The following ELAVL4 variants were observed in gnomAD, a reference collection of about 807,000 sequenced individuals.
ELAVL4 encodes ELAV-like protein 4.
A neutral mutation model predicts 35.6 loss-of-function variants in ELAVL4; 1 was observed. The ratio of observed to expected loss-of-function variants is 0.03; its 90% CI spans 0.01 to 0.13. The LOEUF (loss-of-function observed/expected upper bound fraction) is 0.13, where lower values mean the gene tolerates loss of function less well. ELAVL4 is among the 10% of genes least tolerant of loss of function. The pLI is 1.00. For synonymous variants in ELAVL4, 156 were observed against 171.0 expected (o/e 0.91, Z 0.69); for missense variants, 267 against 464.9 (o/e 0.57, Z 3.91).
At chr1:50,200,386 T>C (rs1410308735) in intron 6 of ELAVL4, among the ~76,000 whole-genome samples, 1 of 152,186 alleles carries the variant, frequency 6.6e-6, no homozygotes, top group Non-Finnish European at 1.5e-5. Flanking sequence ...TATTGAGCAT[T>C]TTCTATGTGT....
chr1:50,184,942 TTTGA>T (rs1357920011), intron 3 of ELAVL4, among the ~76,000 whole-genome samples: 1 of 152,264 alleles, frequency 6.6e-6, no homozygotes, highest in Non-Finnish European at 1.5e-5. Flanking sequence ...GCTATTTATA[TTTGA>T]ATTTAAATTA....
chr1:50,195,676 G>A lies in ELAVL4; in HGVS notation c.624G>A (p.Lys208=), dbSNP rs771047682. 2 of 1,614,190 alleles carry A rather than the reference G, an allele frequency of 1.2e-6. No homozygotes were observed. The highest frequency in any genetic ancestry group is 1.7e-6 in the Non-Finnish European group (2 of 1,180,018). The change falls in exon 5 of 7, where the codon AAG becomes AAA. Residue 208 remains lysine, a synonymous_variant. Transcript: ENST00000371824. ...GTGCTACGGAACCGATTACTGTGAA[G>A]TTTGCCAACAACCCCAGCCAGAAGT... The part of the protein sequence containing the change: ...PSGATEPITV[K]FANNPSQKSS...
At chr1:50,191,075 AT>A (rs1682594436) in intron 3 of ELAVL4, among the ~76,000 whole-genome samples, 1 of 152,192 alleles carries the variant, frequency 6.6e-6, no homozygotes, top group South Asian at 2.1e-4. Context: ...CACTGTGATA[AT>A]TGGTCTGTAT....
chr1:50,203,384 T>C lies in ELAVL4; in HGVS notation c.*2206T>C, dbSNP rs1644458870. 1 of 152,150 alleles carries C rather than the reference T, an allele frequency of 6.6e-6. No individual in the cohort carries two copies. Among genetic ancestry groups the C allele is most frequent in the Admixed American group, 6.5e-5 (1 of 15,278 alleles). 9.4% of individuals were successfully genotyped at this position (152,150 alleles called of 1,614,324 possible). On this transcript the variant is annotated 3_prime_UTR_variant, in exon 7 of 7. Coordinates refer to ENST00000371824, the MANE Select transcript of ELAVL4 (RefSeq NM_001144774.3). The stretch of plus-strand genomic sequence containing the variant: ...CTCCTTTAAATTTTTTTTCTGTTTT[T>C]TTTTCCTCTTTTCGGTTTTGGATAT...
At chr1:50,061,143 A>T (rs942953325) in intron 1 of ELAVL4, among the ~76,000 whole-genome samples, 2 of 152,228 alleles carry the variant, frequency 1.3e-5, no homozygotes, top group Admixed American at 1.3e-4. Flanking sequence ...TCTGCGCTTA[A>T]CTGTCAGTGA....
chr1:50,158,877 A>G (rs923296980), intron 2 of ELAVL4, among the ~76,000 whole-genome samples: 1 of 152,048 alleles, frequency 6.6e-6, no homozygotes, highest in East Asian at 1.9e-4. Flanking sequence ...CATCTCTACT[A>G]AAAATACAAA....
At chr1:50,190,935 C>T (rs1682574792) in intron 3 of ELAVL4, among the ~76,000 whole-genome samples, 1 of 152,230 alleles carries the variant, frequency 6.6e-6, no homozygotes, top group Non-Finnish European at 1.5e-5. Flanking sequence ...TCCACCACCA[C>T]CTTTCTCACC....
At chr1:50,128,340 G>A (rs1441830154) in intron 1 of ELAVL4, among the ~76,000 whole-genome samples, 1 of 152,144 alleles carries the variant, frequency 6.6e-6, no homozygotes, top group Admixed American at 6.6e-5. Flanking sequence ...TGATTCTGAA[G>A]AGGAGAGATA....
intron 1 of ELAVL4, among the ~76,000 whole-genome samples, chr1:50,076,188 T>A (rs1032940301): frequency 3.9e-5 from 6 of 152,176 alleles, no homozygotes; most frequent in African/African-American, 1.4e-4. Flanking sequence ...CAGCTGTATA[T>A]GTAGGCCATG....
At chr1:50,165,266 C>G (rs1250875699) in intron 2 of ELAVL4, among the ~76,000 whole-genome samples, 3 of 152,032 alleles carry the variant, frequency 2.0e-5, no homozygotes, top group African/African-American at 7.2e-5. Context: ...GATTCCTTCT[C>G]CCTGGAATGC....
chr1:50,097,529 GC>G (rs1178452783), intron 1 of ELAVL4, among the ~76,000 whole-genome samples: 5 of 152,170 alleles, frequency 3.3e-5, no homozygotes, highest in Non-Finnish European at 5.9e-5. Context: ...GAAGTGGTTT[GC>G]CTGAGGTCAT....
chr1:50,182,178 A>C (rs1177068052), intron 3 of ELAVL4, among the ~76,000 whole-genome samples: 1 of 152,262 alleles, frequency 6.6e-6, no homozygotes, highest in African/African-American at 2.4e-5. Flanking sequence ...GAACTGCTTC[A>C]GTGAAGTTGC....
chr1:50,127,478 A>C (rs1401862957), intron 1 of ELAVL4, among the ~76,000 whole-genome samples: 1 of 152,098 alleles, frequency 6.6e-6, no homozygotes, highest in Non-Finnish European at 1.5e-5. Flanking sequence ...TTCAGTGGAC[A>C]TATATGCAAA....
In ELAVL4 at chr1:50,201,178, A is replaced by T; in HGVS notation, c.1101A>T (p.Ter367CysextTer11). 6.4e-7 allele frequency: 1 copy of T among 1,568,012 alleles called. No homozygotes were observed. Among genetic ancestry groups the T allele is most frequent in the Non-Finnish European group, 8.6e-7 (1 of 1,159,544 alleles). ...SFKTNKAHKS* is the reference protein window; with the variant it reads ...SFKTNKAHKSC ...AAACCAACAAAGCCCACAAGTCCTG[A>T]ATTTCCCATTCTTACTTACTAAAAT... The change falls in exon 7 of 7, where the codon TGA becomes TGT. Residue 367 changes from the stop codon to cysteine (C), a stop_lost. Coordinates refer to ENST00000371824, the MANE Select transcript of ELAVL4 (RefSeq NM_001144774.3). The surrounding 1 kb of genome is among the most constrained non-coding windows in gnomAD (Gnocchi z 4.3).
chr1:50,131,058 A>G (rs972806499), intron 1 of ELAVL4, among the ~76,000 whole-genome samples: 1 of 152,160 alleles, frequency 6.6e-6, no homozygotes, highest in Non-Finnish European at 1.5e-5. Flanking sequence ...TTTTCTTTGT[A>G]TCTGTGATTC....
At chr1:50,090,453 T>A (rs1665441025) in intron 1 of ELAVL4, among the ~76,000 whole-genome samples, 1 of 152,080 alleles carries the variant, frequency 6.6e-6, no homozygotes, top group Non-Finnish European at 1.5e-5. Flanking sequence ...AGTCTAGTAT[T>A]GCAATTGAAA....
At chr1:50,090,588 A>G (rs1665446512) in intron 1 of ELAVL4, among the ~76,000 whole-genome samples, 1 of 152,156 alleles carries the variant, frequency 6.6e-6, no homozygotes, top group Non-Finnish European at 1.5e-5. Context: ...GCATGGGTCC[A>G]TAGGATGCTA....
intron 4 of ELAVL4, among the ~76,000 whole-genome samples, chr1:50,194,586 G>A (rs1683147150): frequency 6.6e-6 from 1 of 152,214 alleles, no homozygotes; most frequent in African/African-American, 2.4e-5. Context: ...TGTGATTCAT[G>A]AGACAAACCT....
intron 1 of ELAVL4, among the ~76,000 whole-genome samples, chr1:50,082,914 A>T (rs1665075166): frequency 6.6e-6 from 1 of 152,068 alleles, no homozygotes; most frequent in Admixed American, 6.6e-5. Context: ...ACCAACCTTC[A>T]TTGTGCCTTG....
Sources: gnomAD v4.1 joint callset for allele counts (sites outside exome capture counted in the v4.1 genomes callset) on GRCh38, gnomAD v4.1.1 for gene constraint, Gnocchi (gnomAD v3.1) non-coding constraint, MANE v1.5 for transcripts, NCBI Gene and HGNC (gene_info 2026-07-23, HGNC 2026-07-21) for gene names.